TM7SF2: variants seen among roughly 807,000 people sequenced by gnomAD.
TM7SF2 encodes transmembrane 7 superfamily member 2, also known as delta(14)-sterol reductase TM7SF2.
Under a neutral mutation model 51.0 loss-of-function variants are expected in TM7SF2, and 51 were observed. That is an observed-to-expected ratio of 1.00 (90% CI 0.80 to 1.26). The LOEUF is 1.26. Ranked by LOEUF, TM7SF2 falls within the 50% of genes most tolerant of loss-of-function variation. TM7SF2 has a pLI of 0.00. For missense variants in TM7SF2, 541 were observed against 547.4 expected, an observed-to-expected ratio of 0.99 and a Z score of 0.12; for synonymous variants, 255 against 241.0, an observed-to-expected ratio of 1.06 and a Z score of -0.54.
At chr11:65,113,671 G>A in intron 5 of TM7SF2, 77 bp downstream of exon 5, 2 of 1,271,666 alleles carry the variant, frequency 1.6e-6, no homozygotes, top group Non-Finnish European at 2.3e-6. Flanking sequence ...GGCAGGGCAG[G>A]GCCAAAACTG....
At position 65,112,634 on chromosome 11, in the gene TM7SF2, T is replaced by TGGAGCCCACGGGCGCTGCTGC; in HGVS notation, c.173_193dup (p.Leu64_Leu65insArgSerProArgAlaLeuLeu). On this transcript the variant is annotated inframe_insertion, in exon 2 of 10. Coordinates refer to ENST00000279263, the MANE Select transcript of TM7SF2 (RefSeq NM_003273.6). The stretch of plus-strand genomic sequence containing the variant: ...GTCCCTGCCGGGGCTGGAGGTGCTG[T>TGGAGCCCACGGGCGCTGCTGC]GGAGCCCACGGGCGCTGCTGCTGTG... 1 of 1,533,804 alleles carries TGGAGCCCACGGGCGCTGCTGC rather than the reference T, an allele frequency of 6.5e-7. No homozygotes were observed. The highest frequency in any genetic ancestry group is 8.8e-7 in the Non-Finnish European group (1 of 1,142,794).
chr11:65,116,128 C>G lies in TM7SF2; in HGVS notation c.*75C>G. 1 of 1,530,966 alleles carries G rather than the reference C, an allele frequency of 6.5e-7. No individual in the cohort carries two copies. The highest frequency in any genetic ancestry group is 8.8e-7 in the Non-Finnish European group (1 of 1,136,476). The allele number at this position is 1,530,966 out of a possible 1,614,324, so 94.8% of individuals were successfully genotyped here. On this transcript the variant is annotated 3_prime_UTR_variant, in exon 10 of 10. Transcript: ENST00000279263. ...ACACCCAGGACCAGGAGCCTCGACA[C>G]ACTTGGGACTCAAGGGCTTGCACCC...
At chr11:65,115,169 C>CGTTA in intron 7 of TM7SF2, 88 bp downstream of exon 7, 4 of 1,594,928 alleles carry the variant, frequency 2.5e-6, no homozygotes, top group Non-Finnish European at 3.4e-6. Context: ...CACATAGGTG[C>CGTTA]TAACCCCCAG....
chr11:65,115,292 C>T, intron 7 of TM7SF2, 22 bp from the exon 8 acceptor site: 1 of 1,612,724 alleles, frequency 6.2e-7, no homozygotes, highest in Admixed American at 1.7e-5. Flanking sequence ...ACCTTGACCA[C>T]CGGTTCACAC....
In TM7SF2 at chr11:65,113,311, C is replaced by T. The variant is rs764750868; in HGVS notation, c.396C>T (p.Pro132=). The T allele has an allele frequency of 6.2e-6, 10 of 1,613,422 alleles. No individual in the cohort carries two copies. Among genetic ancestry groups the T allele is most frequent in the Admixed American group, 5.0e-5 (3 of 60,030 alleles). The part of the protein sequence containing the change: ...PLGALPEMLL[P]LAFVATLTAF... ...GGGCGCTCCCGGAAATGCTCCTGCC[C>T]TTGGCGTTTGTCGCCACCCTCACCG... Residue 132 remains proline (P), a synonymous_variant, in exon 4 of 10, where the codon CCC becomes CCT. Coordinates refer to ENST00000279263, the MANE Select transcript of TM7SF2 (RefSeq NM_003273.6).
At chr11:65,112,949 G>GC in intron 3 of TM7SF2, 84 bp downstream of exon 3, 2 of 1,488,894 alleles carry the variant, frequency 1.3e-6, no homozygotes, top group Non-Finnish European at 1.8e-6. Flanking sequence ...ACGGAGATTG[G>GC]CCCCCACCCC....
At position 65,111,902 on chromosome 11, in the gene TM7SF2, C is replaced by A; in HGVS notation, c.-114C>A. On this transcript the variant is annotated 5_prime_UTR_variant, in exon 1 of 10. Transcript: ENST00000279263. ...CGTTCCGTGTCCAGGCAGGTGCAGG[C>A]GCCGCGGGGCCGGATCCTCCGCGCG... 1.6e-6 allele frequency: 2 copies of A among 1,234,246 alleles called. No homozygotes were observed. Among genetic ancestry groups the A allele is most frequent in the Non-Finnish European group, 2.3e-6 (2 of 862,068 alleles). 76.5% of individuals were successfully genotyped at this position (1,234,246 alleles called of 1,614,324 possible). A position where few individuals can be genotyped will look rare whatever the true frequency, so the allele number is the denominator to read the frequency against.
rs1947957595 is a variant in TM7SF2 at position 65,114,962 on chromosome 11, T to C, written c.773T>C (p.Met258Thr). 8 of 1,614,122 alleles carry C rather than the reference T, an allele frequency of 5.0e-6. No individual in the cohort carries two copies. Among genetic ancestry groups the C allele is most frequent in the Non-Finnish European group, 5.1e-6 (6 of 1,180,044 alleles). Residue 258 changes from methionine (M) to threonine (T), a missense_variant, in exon 7 of 10, where the codon ATG (methionine) becomes ACG (threonine). Physicochemically the swap from Met to Thr is moderately conservative, Grantham distance 81. Transcript: ENST00000279263. Reference protein sequence around the residue: ...MDITHDGFGFMLAFGDMAWVP... With the variant: ...MDITHDGFGFTLAFGDMAWVP... ...ATCACACATGACGGGTTTGGCTTCATGCTGGCGTTTGGGGACATGGCCTGG... is the reference window on the plus strand; with the variant it reads ...ATCACACATGACGGGTTTGGCTTCACGCTGGCGTTTGGGGACATGGCCTGG...
In TM7SF2 at chr11:65,116,016, G is replaced by C; in HGVS notation, c.1220G>C (p.Arg407Pro). ...KYGLAWQEYC[R>P]RVPYRIMPYI... Reference sequence around the variant, plus strand: ...GGCCTGGCCTGGCAGGAGTACTGCCGGCGTGTGCCTTACCGCATCATGCCC... The same window carrying C: ...GGCCTGGCCTGGCAGGAGTACTGCCCGCGTGTGCCTTACCGCATCATGCCC... The change falls in exon 10 of 10, where the codon CGG (arginine) becomes CCG (proline). Residue 407 changes from arginine to proline, a missense_variant. Transcript: ENST00000279263. 3 of 1,611,442 alleles carry C rather than the reference G, an allele frequency of 1.9e-6. No individual in the cohort carries two copies. Among genetic ancestry groups the C allele is most frequent in the Non-Finnish European group, 2.5e-6 (3 of 1,179,968 alleles).
rs1172819256 is a variant in TM7SF2 at position 65,111,918 on chromosome 11, C to A, written c.-98C>A. On this transcript the variant is annotated 5_prime_UTR_variant, in exon 1 of 10. Coordinates refer to ENST00000279263, the MANE Select transcript of TM7SF2 (RefSeq NM_003273.6). Reference sequence around the variant, plus strand: ...AGGTGCAGGCGCCGCGGGGCCGGATCCTCCGCGCGGCCGAGTCCATCTCCT... The same window carrying A: ...AGGTGCAGGCGCCGCGGGGCCGGATACTCCGCGCGGCCGAGTCCATCTCCT... 116 of 1,357,318 alleles carry A rather than the reference C, an allele frequency of 8.5e-5. No homozygotes were observed. Among genetic ancestry groups the A allele is most frequent in the Non-Finnish European group, 1.2e-4 (112 of 972,140 alleles). The allele number at this position is 1,357,318 out of a possible 1,614,324, so 84.1% of individuals were successfully genotyped here.
intron 1 of TM7SF2, 106 bp from the exon 2 acceptor site, chr11:65,112,409 C>A: frequency 1.6e-6 from 2 of 1,264,246 alleles, no homozygotes; most frequent in Non-Finnish European, 2.1e-6. Flanking sequence ...GAGGCGCACT[C>A]TGGGAATGCC....
At position 65,114,985 on chromosome 11, in the gene TM7SF2, T is replaced by G. The variant is rs749373964; in HGVS notation, c.796T>G (p.Trp266Gly). The change falls in exon 7 of 10, where the codon TGG becomes GGG. Residue 266 changes from tryptophan (W) to glycine (G), a missense_variant. Physicochemically the swap from Trp to Gly is radical, Grantham distance 184. Coordinates refer to ENST00000279263, the MANE Select transcript of TM7SF2 (RefSeq NM_003273.6). ...CATGCTGGCGTTTGGGGACATGGCC[T>G]GGGTGCCCTTCACCTACAGCCTGCA... The part of the protein sequence containing the change: ...GFMLAFGDMA[W>G]VPFTYSLQAQ... The G allele has an allele frequency of 1.2e-6, 2 of 1,614,218 alleles. No homozygotes were observed. The highest frequency in any genetic ancestry group is 1.7e-6 in the Non-Finnish European group (2 of 1,180,020).
At chr11:65,113,895 G>C (rs1399423859) in intron 5 of TM7SF2, 1 of 423,260 alleles carries the variant, frequency 2.4e-6, no homozygotes, top group African/African-American at 2.0e-5. Flanking sequence ...CTCAACAGCA[G>C]TCAAGCACAG....
intron 9 of TM7SF2, 114 bp from the exon 10 acceptor site, chr11:65,115,779 T>C (rs769277354): frequency 6.3e-7 from 1 of 1,583,910 alleles, no homozygotes; most frequent in South Asian, 1.1e-5. Context: ...CTGCAGACCC[T>C]GGCGCTTTTG....
Position 65,112,517 on chromosome 11 carries a change from G to C in TM7SF2, c.55G>C (p.Ala19Pro), listed in dbSNP as rs1032053988. Reference sequence around the variant, plus strand: ...CGACGTGATGGCCCTTCCCGCAGGCGCCGCGGCTCTGCTACTGCTGCTGCC... The same window carrying C: ...CGACGTGATGGCCCTTCCCGCAGGCCCCGCGGCTCTGCTACTGCTGCTGCC... ...APLEFGGPLG[A>P]AALLLLLPAT... Residue 19 changes from alanine (A) to proline (P), a missense_variant and splice_region_variant, in exon 2 of 10, where the codon GCC becomes CCC. By Grantham distance (27) the Ala-to-Pro change is conservative (BLOSUM62 -1). Coordinates refer to ENST00000279263, the MANE Select transcript of TM7SF2 (RefSeq NM_003273.6). 1 of 1,520,268 alleles carries C rather than the reference G, an allele frequency of 6.6e-7. No individual in the cohort carries two copies. The highest frequency in any genetic ancestry group is 2.0e-5 in the Admixed American group (1 of 49,848). The allele number at this position is 1,520,268 out of a possible 1,614,324, so 94.2% of individuals were successfully genotyped here.
chr11:65,113,628 AG>A lies in TM7SF2; in HGVS notation c.603+39del, dbSNP rs1250684435. ...GGCTTGACTGAGCTGGCCTCAGGCCAGGGGGAGGGTTAGGGTGGGTGAGCAG... is the reference window on the plus strand; with the variant it reads ...GGCTTGACTGAGCTGGCCTCAGGCCAGGGGAGGGTTAGGGTGGGTGAGCAG... On this transcript the variant is annotated intron_variant, in intron 5 of 9. Transcript: ENST00000279263. The A allele has an allele frequency of 9.3e-6, 10 of 1,070,998 alleles. No individual in the cohort carries two copies. In the African/African-American group the frequency reaches 1.3e-4, roughly 14 times the overall value. 66.3% of individuals were successfully genotyped at this position (1,070,998 alleles called of 1,614,324 possible).
Position 65,116,121 on chromosome 11 carries a change from C to A in TM7SF2, c.*68C>A. 6.5e-7 allele frequency: 1 copy of A among 1,548,188 alleles called. No individual in the cohort carries two copies. Among genetic ancestry groups the A allele is most frequent in the South Asian group, 1.2e-5 (1 of 85,174 alleles). ...CACCAGCACACCCAGGACCAGGAGC[C>A]TCGACACACTTGGGACTCAAGGGCT... On this transcript the variant is annotated 3_prime_UTR_variant, in exon 10 of 10. Coordinates refer to ENST00000279263, the MANE Select transcript of TM7SF2 (RefSeq NM_003273.6).
rs758103952 is a variant in TM7SF2, at chr11:65,111,991, C to G, written c.-25C>G. 51 of 1,572,126 alleles carry G rather than the reference C, an allele frequency of 3.2e-5. No individual in the cohort carries two copies. The highest frequency in any genetic ancestry group is 4.3e-5 in the Non-Finnish European group (50 of 1,158,890). On this transcript the variant is annotated 5_prime_UTR_variant, in exon 1 of 10. Transcript: ENST00000279263. ...TCCTTGACTGACTATTGTGAGCGCC[C>G]TCTCTCTCCGGCGGAGCGGAGACCA... is the stretch of plus-strand genomic sequence containing the variant.
chr11:65,113,440 G>A (rs758254556), intron 4 of TM7SF2, 26 bp downstream of exon 4: 1 of 1,614,178 alleles, frequency 6.2e-7, no homozygotes, highest in South Asian at 1.1e-5. Context: ...GGGTGGAGAC[G>A]GAGGCAGATT....
Sources: gnomAD v4.1 joint callset for allele counts on GRCh38, gnomAD v4.1.1 for gene constraint, MANE v1.5 for transcripts, NCBI Gene and HGNC (gene_info 2026-07-23, HGNC 2026-07-21) for gene names.